MAPK10: variants seen among roughly 807,000 people sequenced by gnomAD.
MAPK10 encodes the protein mitogen-activated protein kinase 10, also known as JNK3 alpha protein kinase.
A neutral mutation model predicts 59.3 loss-of-function variants in MAPK10; 25 were observed. The observed-to-expected ratio is 0.42, with a 90% confidence interval of 0.31 to 0.59. The LOEUF is 0.59. Among genes scored for constraint, MAPK10 ranks in the 20% least tolerant of loss-of-function variants. The pLI is 0.15. For missense variants in MAPK10, 351 were observed against 568.9 expected (o/e 0.62, Z 3.90); for synonymous variants, 190 against 200.5 (o/e 0.95, Z 0.44).
intron 2 of MAPK10, among the ~76,000 whole-genome samples, chr4:86,294,667 C>T (rs1389997665): frequency 6.6e-6 from 1 of 152,148 alleles, no homozygotes; most frequent in Non-Finnish European, 1.5e-5. Context: ...GGAGGCAGCT[C>T]TAAAGCACTA....
chr4:86,431,837 T>A (rs1748084493), intron 1 of MAPK10, among the ~76,000 whole-genome samples: 1 of 152,136 alleles, frequency 6.6e-6, no homozygotes, highest in South Asian at 2.1e-4. Context: ...GACCCGTGTT[T>A]AAAAAAATGG....
chr4:86,232,442 C>A (rs1452736153), intron 2 of MAPK10, among the ~76,000 whole-genome samples: 2 of 151,112 alleles, frequency 1.3e-5, no homozygotes, highest in Non-Finnish European at 2.9e-5. Flanking sequence ...GGCACCATCT[C>A]GGCTCACTGC....
intron 2 of MAPK10, among the ~76,000 whole-genome samples, chr4:86,315,731 C>T (rs2095770444): frequency 6.6e-6 from 1 of 151,916 alleles, no homozygotes; most frequent in Non-Finnish European, 1.5e-5. Context: ...CTTTCTAATG[C>T]AAATAACCAA....
intron 1 of MAPK10, among the ~76,000 whole-genome samples, chr4:86,467,516 TG>T (rs1355794487): frequency 1.3e-5 from 2 of 151,502 alleles, no homozygotes; most frequent in Non-Finnish European, 2.9e-5. Context: ...ACAGCATTTT[TG>T]TTTGTTTGTT....
At chr4:86,087,298 A>C (rs148720160) in intron 9 of MAPK10, among the ~76,000 whole-genome samples, 3 of 152,310 alleles carry the variant, frequency 2.0e-5, no homozygotes, top group African/African-American at 7.2e-5. Context: ...GAACTTCTGG[A>C]AAAGCAAAGA....
chr4:86,270,571 C>T (rs1266552437), intron 2 of MAPK10, among the ~76,000 whole-genome samples: 1 of 151,944 alleles, frequency 6.6e-6, no homozygotes, highest in Admixed American at 6.6e-5. Flanking sequence ...ACACACAGGC[C>T]TTAAGTCATG....
At chr4:86,351,191 T>G (rs1731132074) in intron 2 of MAPK10, among the ~76,000 whole-genome samples, 1 of 152,086 alleles carries the variant, frequency 6.6e-6, no homozygotes, top group Non-Finnish European at 1.5e-5. Context: ...AATGTACTCT[T>G]AGTACCTACA....
At chr4:86,105,332 T>A (rs2056340932) in intron 5 of MAPK10, among the ~76,000 whole-genome samples, 1 of 152,278 alleles carries the variant, frequency 6.6e-6, no homozygotes, top group Non-Finnish European at 1.5e-5. Flanking sequence ...TTCTGTAGAC[T>A]TCTGCATACA....
intron 3 of MAPK10, among the ~76,000 whole-genome samples, chr4:86,183,170 G>C (rs2077305175): frequency 2.0e-5 from 3 of 151,770 alleles, no homozygotes; most frequent in Admixed American, 6.6e-5. Context: ...TTAAGTTTTA[G>C]GGTACATGTG....
chr4:86,491,342 C>G (rs1439416754), intron 1 of MAPK10, among the ~76,000 whole-genome samples: 1 of 152,190 alleles, frequency 6.6e-6, no homozygotes, highest in African/African-American at 2.4e-5. Flanking sequence ...GTTGATGGTA[C>G]CAGAGTACCT....
At chr4:86,148,337 G>A (rs2065507732) in intron 4 of MAPK10, among the ~76,000 whole-genome samples, 2 of 152,172 alleles carry the variant, frequency 1.3e-5, no homozygotes, top group South Asian at 4.1e-4. Flanking sequence ...GAGCATTCAG[G>A]TGAAAGAAAA....
At chr4:86,327,785 C>CAAAAAAAAAAAAAAAAAAAAAA (rs5860023) in intron 2 of MAPK10, 1 of 68,906 alleles carries the variant, frequency 1.5e-5, no homozygotes, top group African/African-American at 5.9e-5. Flanking sequence ...ACTAAAAATA[C>CAAAAAAAAAAAAAAAAAAAAAA]AAAAAAAAAA....
intron 5 of MAPK10, among the ~76,000 whole-genome samples, chr4:86,104,700 A>T (rs2056223069): frequency 1.3e-5 from 2 of 152,280 alleles, no homozygotes; most frequent in African/African-American, 2.4e-5. Flanking sequence ...TAGATAATTT[A>T]AAAAATATAG....
At chr4:86,359,547 C>T in intron 1 of MAPK10, 111 bp downstream of exon 1, 1 of 333,974 alleles carries the variant, frequency 3.0e-6, no homozygotes, top group Non-Finnish European at 4.3e-6. Flanking sequence ...TCCACCCCAC[C>T]TCTCTCGTCT....
chr4:86,108,655 T>C (rs1337627938), intron 4 of MAPK10, among the ~76,000 whole-genome samples: 1 of 152,140 alleles, frequency 6.6e-6, no homozygotes, highest in Non-Finnish European at 1.5e-5. Context: ...TGGAAATCAT[T>C]ATATCTAAGC....
At chr4:86,106,011 G>C (rs576453216) in intron 5 of MAPK10, among the ~76,000 whole-genome samples, 59 of 152,054 alleles carry the variant, frequency 3.9e-4, no homozygotes, top group Non-Finnish European at 7.9e-4. Context: ...CTTGCCAATA[G>C]AGCATAACTC....
At chr4:86,062,098 CATAGAGTA>C (rs1278084269) in intron 11 of MAPK10, among the ~76,000 whole-genome samples, 7 of 152,246 alleles carry the variant, frequency 4.6e-5, no homozygotes, top group Non-Finnish European at 8.8e-5. Flanking sequence ...TAATGCACTT[CATAGAGTA>C]ATAAATTGTT....
intron 1 of MAPK10, among the ~76,000 whole-genome samples, chr4:86,461,938 C>T (rs543797599): frequency 2.6e-4 from 39 of 152,272 alleles, no homozygotes; most frequent in Non-Finnish European, 5.1e-4. Flanking sequence ...ATACACCCCC[C>T]AAATCAACAG....
intron 1 of MAPK10, among the ~76,000 whole-genome samples, chr4:86,387,225 A>ATGAT (rs1254667975): frequency 6.6e-6 from 1 of 152,122 alleles, no homozygotes. Context: ...GTGGGCAATG[A>ATGAT]TGATTGTCTC....
Sources: allele counts gnomAD v4.1 joint callset (sites outside exome capture counted in the v4.1 genomes callset), GRCh38; gene constraint gnomAD v4.1.1; transcripts MANE v1.5; gene names NCBI Gene and HGNC (gene_info 2026-07-23, HGNC 2026-07-21).